The following GPM6A variants were observed in gnomAD, a reference collection of about 807,000 sequenced individuals.
The protein encoded by GPM6A is neuronal membrane glycoprotein M6-a.
Under a neutral mutation model 32.1 loss-of-function variants are expected in GPM6A, and 7 were observed. The observed-to-expected ratio is 0.22, with a 90% CI of 0.12 to 0.41. GPM6A has a LOEUF of 0.41. Among genes scored for constraint, GPM6A ranks in the 10% least tolerant of loss-of-function variants. GPM6A has a pLI of 1.00. For missense variants in GPM6A, 235 were observed against 347.2 expected (o/e 0.68, Z 2.57); for synonymous variants, 130 against 123.4 (o/e 1.05, Z -0.35).
chr4:175,818,069 G>A (rs1463175848), intron 1 of GPM6A, among the ~76,000 whole-genome samples: 1 of 152,066 alleles, frequency 6.6e-6, no homozygotes, highest in African/African-American at 2.4e-5. Context: ...ATAATTACCA[G>A]GGCTGTAGTC....
intron 1 of GPM6A, among the ~76,000 whole-genome samples, chr4:175,837,086 T>A (rs1445189710): frequency 6.6e-6 from 1 of 150,966 alleles, no homozygotes; most frequent in Non-Finnish European, 1.5e-5. Flanking sequence ...TGGATCAGAG[T>A]CAGAGAAGAA....
chr4:175,721,273 C>T (rs916504114), intron 1 of GPM6A, among the ~76,000 whole-genome samples: 4 of 150,768 alleles, frequency 2.7e-5, no homozygotes, highest in Admixed American at 2.0e-4. Context: ...GTCAGGAGAT[C>T]GAGACCAGCC....
intron 1 of GPM6A, among the ~76,000 whole-genome samples, chr4:175,753,379 A>G (rs1012024362): frequency 6.6e-6 from 1 of 152,172 alleles, no homozygotes; most frequent in Non-Finnish European, 1.5e-5. Context: ...TGTATAGAGA[A>G]AGCATAGGCA....
chr4:175,947,187 TA>T (rs11351091), intron 1 of GPM6A, among the ~76,000 whole-genome samples: 82,470 of 147,706 alleles, frequency 0.56, 24,281 homozygotes, highest in Non-Finnish European at 0.65. Flanking sequence ...ACAGAGTCTT[TA>T]AAAAAAAAAA....
At chr4:175,822,450 G>A (rs1404650357) in intron 1 of GPM6A, among the ~76,000 whole-genome samples, 1 of 152,034 alleles carries the variant, frequency 6.6e-6, no homozygotes, top group Non-Finnish European at 1.5e-5. Flanking sequence ...GATTACATAA[G>A]TTGTCTGTAT....
intron 1 of GPM6A, among the ~76,000 whole-genome samples, chr4:175,783,718 A>G (rs1733694486): frequency 6.6e-6 from 1 of 151,964 alleles, no homozygotes; most frequent in Non-Finnish European, 1.5e-5. Context: ...GCAATATTTT[A>G]TGGATTTCAA....
chr4:175,800,850 C>G, intron 1 of GPM6A: 1 of 197,784 alleles, frequency 5.1e-6, no homozygotes, highest in Non-Finnish European at 1.2e-5. Flanking sequence ...TCCCAGCTTG[C>G]AGGCTCTGAG....
chr4:175,848,188 A>G (rs948857405), intron 1 of GPM6A, among the ~76,000 whole-genome samples: 1 of 152,122 alleles, frequency 6.6e-6, no homozygotes, highest in Admixed American at 6.6e-5. Flanking sequence ...CTAGCGCTCA[A>G]GCTTTTTTCT....
chr4:175,967,410 G>A (rs1387134222), intron 1 of GPM6A, among the ~76,000 whole-genome samples: 1 of 152,070 alleles, frequency 6.6e-6, no homozygotes, highest in Non-Finnish European at 1.5e-5. Flanking sequence ...TTTCAATATT[G>A]TAATGGAAAT....
At chr4:175,991,805 A>G (rs1741153278) in intron 1 of GPM6A, among the ~76,000 whole-genome samples, 1 of 152,162 alleles carries the variant, frequency 6.6e-6, no homozygotes, top group Admixed American at 6.5e-5. Flanking sequence ...AAAAAACACA[A>G]TATATTTGTT....
chr4:175,796,127 C>G (rs1173047506), intron 1 of GPM6A, among the ~76,000 whole-genome samples: 1 of 152,184 alleles, frequency 6.6e-6, no homozygotes, highest in African/African-American at 2.4e-5. Context: ...GTCTCCACCA[C>G]TTCTACATCA....
chr4:175,926,434 T>C (rs1224779156), intron 1 of GPM6A, among the ~76,000 whole-genome samples: 3 of 152,186 alleles, frequency 2.0e-5, no homozygotes. Context: ...GGGAAGAATC[T>C]TTCAATAGGG....
chr4:175,914,081 T>A (rs529775857), intron 1 of GPM6A, among the ~76,000 whole-genome samples: 1 of 151,152 alleles, frequency 6.6e-6, no homozygotes, highest in East Asian at 2.0e-4. Context: ...ACATTTTCCC[T>A]AAGAGGGTTT....
chr4:175,888,799 C>G (rs149579428), intron 1 of GPM6A, among the ~76,000 whole-genome samples: 325 of 152,100 alleles, frequency 2.1e-3, no homozygotes, highest in African/African-American at 7.5e-3. Context: ...TTACTGAATT[C>G]CCAAAAGGAT....
At chr4:175,873,191 A>T (rs1259275692) in intron 1 of GPM6A, among the ~76,000 whole-genome samples, 1 of 152,116 alleles carries the variant, frequency 6.6e-6, no homozygotes, top group Non-Finnish European at 1.5e-5. Flanking sequence ...AGGTCCTAAA[A>T]AAAATCATTT....
At chr4:175,765,686 G>T (rs1037878430) in intron 1 of GPM6A, among the ~76,000 whole-genome samples, 1 of 152,148 alleles carries the variant, frequency 6.6e-6, no homozygotes, top group East Asian at 1.9e-4. Context: ...ATCTTTTAGA[G>T]ACTTCCTGCT....
At chr4:175,967,238 C>T (rs923716122) in intron 1 of GPM6A, among the ~76,000 whole-genome samples, 2 of 152,072 alleles carry the variant, frequency 1.3e-5, no homozygotes, top group African/African-American at 4.8e-5. Context: ...CATTTGACAA[C>T]CCATTAATGA....
chr4:175,974,482 A>G (rs1392404400), intron 1 of GPM6A, among the ~76,000 whole-genome samples: 1 of 152,022 alleles, frequency 6.6e-6, no homozygotes, highest in Non-Finnish European at 1.5e-5. Flanking sequence ...CAGCCTCCTG[A>G]GTAGCTGGGA....
At chr4:175,914,867 G>A (rs543064946) in intron 1 of GPM6A, among the ~76,000 whole-genome samples, 22 of 152,156 alleles carry the variant, frequency 1.4e-4, no homozygotes, top group South Asian at 4.1e-4. Flanking sequence ...TAGTGTTTGC[G>A]GCCCCAACAT....
Sources: allele counts gnomAD v4.1 joint callset (sites outside exome capture counted in the v4.1 genomes callset), GRCh38; gene constraint gnomAD v4.1.1; transcripts MANE v1.5; gene names NCBI Gene and HGNC (gene_info 2026-07-23, HGNC 2026-07-21).